PDE1C: variants seen among roughly 807,000 people sequenced by gnomAD.
PDE1C encodes phosphodiesterase 1C.
PDE1C carries 62 observed loss-of-function variants against 93.1 expected under a neutral mutation model. That is an observed-to-expected ratio of 0.67 (90% CI 0.54 to 0.82). The LOEUF (loss-of-function observed/expected upper bound fraction) is 0.82. Ranked by LOEUF, PDE1C falls within the 40% of genes least tolerant of loss-of-function variation. PDE1C has a pLI of 0.00. For missense variants in PDE1C, 742 were observed against 884.6 expected (o/e 0.84, Z 2.04); for synonymous variants, 325 against 310.1 (o/e 1.05, Z -0.50).
intron 1 of PDE1C, among the ~76,000 whole-genome samples, chr7:32,280,205 G>A (rs899564428): frequency 6.6e-6 from 1 of 152,026 alleles, no homozygotes; most frequent in African/African-American, 2.4e-5. Context: ...GAAAGACAGT[G>A]GTAAATACCA....
intron 1 of PDE1C, among the ~76,000 whole-genome samples, chr7:32,224,145 G>T (rs1807079285): frequency 6.6e-6 from 1 of 152,178 alleles, no homozygotes; most frequent in Non-Finnish European, 1.5e-5. Flanking sequence ...GGCCGAGGTG[G>T]GTGGATCACC....
chr7:32,009,909 G>A (rs1384083766), intron 2 of PDE1C, among the ~76,000 whole-genome samples: 1 of 152,104 alleles, frequency 6.6e-6, no homozygotes, highest in African/African-American at 2.4e-5. Flanking sequence ...ATCAGAAGTT[G>A]AAATTTAAAA....
intron 1 of PDE1C, among the ~76,000 whole-genome samples, chr7:32,344,192 GC>G (rs1161115692): frequency 1.3e-5 from 2 of 152,108 alleles, no homozygotes; most frequent in Non-Finnish European, 2.9e-5. Flanking sequence ...TTCTGCTTCA[GC>G]CTCCCAAGTA....
At chr7:31,698,555 G>A in the PDE1C span, among the ~76,000 whole-genome samples, 1 of 152,170 alleles carries the variant, frequency 6.6e-6, no homozygotes, top group Non-Finnish European at 1.5e-5. Context: ...ATGCACATGT[G>A]CTAAAAGTAC....
Position 32,426,352 on chromosome 7 carries a change from C to T in PDE1C, c.310+1470G>A, listed in dbSNP as rs531952717. Among the ~76,000 whole-genome samples the T allele has an allele frequency of 2.6e-5, 4 of 151,418 alleles. No individual in the cohort carries two copies. The East Asian group carries it at 7.8e-4, about 29-fold the overall frequency. ...GCAATGGCATGATCTCAGCTCACTG[C>T]AGCCTCGACCTCCTGGGATTAAGCT... On this transcript the variant is annotated intron_variant, in intron 1 of 1. Coordinates refer to the PDE1C transcript ENST00000672256.
intron 1 of PDE1C, among the ~76,000 whole-genome samples, chr7:32,381,596 T>C (rs1784535760): frequency 6.6e-6 from 1 of 152,080 alleles, no homozygotes; most frequent in African/African-American, 2.4e-5. Flanking sequence ...TACTCTCTCC[T>C]CAACCTGGAA....
intron 1 of PDE1C, among the ~76,000 whole-genome samples, chr7:32,057,615 T>C (rs955758909): frequency 2.6e-5 from 4 of 152,178 alleles, no homozygotes; most frequent in Non-Finnish European, 5.9e-5. Flanking sequence ...CTGAACTTCA[T>C]TTTCCTTCTC....
intron 17 of PDE1C, among the ~76,000 whole-genome samples, chr7:31,756,014 A>T (rs1794440657): frequency 6.6e-6 from 1 of 152,068 alleles, no homozygotes; most frequent in Non-Finnish European, 1.5e-5. Flanking sequence ...AAAAACACAA[A>T]AATTAGCTGG....
intron 3 of PDE1C, among the ~76,000 whole-genome samples, chr7:32,109,617 G>A (rs1483054122): frequency 6.6e-6 from 1 of 152,118 alleles, no homozygotes; most frequent in Non-Finnish European, 1.5e-5. Flanking sequence ...GATGTCCCTG[G>A]GAGGCAAAAC....
chr7:32,390,760 G>A (rs1784734694), intron 1 of PDE1C, among the ~76,000 whole-genome samples: 1 of 151,964 alleles, frequency 6.6e-6, no homozygotes, highest in Non-Finnish European at 1.5e-5. Context: ...GGTGGAGGTG[G>A]GAGGATTGCT....
intron 2 of PDE1C, among the ~76,000 whole-genome samples, chr7:32,027,042 G>A (rs951390837): frequency 1.3e-5 from 2 of 152,100 alleles, no homozygotes; most frequent in African/African-American, 4.8e-5. Flanking sequence ...AGAGCACAGA[G>A]AGTTTTCAGG....
chr7:32,087,620 G>C (rs1797185072), intron 3 of PDE1C, among the ~76,000 whole-genome samples: 1 of 152,184 alleles, frequency 6.6e-6, no homozygotes, highest in Admixed American at 6.5e-5. Flanking sequence ...AACCATGGTA[G>C]ACTGGATTAA....
chr7:32,140,202 T>C (rs527496525), intron 3 of PDE1C, among the ~76,000 whole-genome samples: 1 of 152,208 alleles, frequency 6.6e-6, no homozygotes, highest in South Asian at 2.1e-4. Context: ...CCAAAGCAAA[T>C]TTCAAACTCC....
intron 3 of PDE1C, among the ~76,000 whole-genome samples, chr7:32,135,721 A>G (rs565465432): frequency 6.6e-6 from 1 of 152,322 alleles, no homozygotes; most frequent in South Asian, 2.1e-4. Flanking sequence ...CAAAAAATTA[A>G]GAATAGAACT....
chr7:32,066,749 ACAAAAAAGTAATTCAGAGGGACT>A (rs1795454429), intron 1 of PDE1C, among the ~76,000 whole-genome samples: 2 of 129,586 alleles, frequency 1.5e-5, no homozygotes, highest in African/African-American at 3.0e-5. Context: ...TCAGAGGGAC[ACAAAAAAGTAATTCAGAGGGACT>A]CAAAAACTCT....
chr7:31,748,215 G>A (rs943209973), downstream of PDE1C, among the ~76,000 whole-genome samples: 4 of 152,328 alleles, frequency 2.6e-5, no homozygotes, highest in South Asian at 6.2e-4. Context: ...TGCAAAGGCA[G>A]TTTCACAATC....
intron 2 of PDE1C, among the ~76,000 whole-genome samples, chr7:32,205,688 C>G (rs527526557): frequency 1.3e-5 from 2 of 152,180 alleles, no homozygotes; most frequent in African/African-American, 4.8e-5. Flanking sequence ...CTGCTGCTGG[C>G]TTTTTAGGTC....
chr7:31,993,920 G>A (rs960809719), intron 2 of PDE1C, among the ~76,000 whole-genome samples: 5 of 152,148 alleles, frequency 3.3e-5, no homozygotes, highest in Admixed American at 6.5e-5. Flanking sequence ...TCGGCAGTAT[G>A]TGCTTTAAAA....
chr7:32,405,754 A>G (rs1305771499), intron 1 of PDE1C, among the ~76,000 whole-genome samples: 1 of 152,170 alleles, frequency 6.6e-6, no homozygotes, highest in Non-Finnish European at 1.5e-5. Flanking sequence ...TTTGGCCCCC[A>G]AGAGAGGTTC....
Sources: allele counts gnomAD v4.1 joint callset (sites outside exome capture counted in the v4.1 genomes callset), GRCh38; gene constraint gnomAD v4.1.1; transcripts MANE v1.5; gene names NCBI Gene and HGNC (gene_info 2026-07-23, HGNC 2026-07-21).